PTPN5: variants seen among roughly 807,000 people sequenced by gnomAD.
PTPN5 encodes the protein tyrosine-protein phosphatase non-receptor type 5.
In PTPN5, 29 loss-of-function variants were observed where a neutral mutation model predicts 73.9. The observed-to-expected ratio is 0.39, with a 90% CI of 0.29 to 0.54. The LOEUF (loss-of-function observed/expected upper bound fraction) is 0.54, where lower values mean the gene tolerates loss of function less well. PTPN5 is among the 20% of genes least tolerant of loss of function. The pLI, the probability that PTPN5 is intolerant of heterozygous loss-of-function variation, is 0.65. For synonymous variants in PTPN5, 267 were observed against 304.7 expected (o/e 0.88, Z 1.29); for missense variants, 652 against 751.4 (o/e 0.87, Z 1.55).
intron 1 of PTPN5, among the ~76,000 whole-genome samples, chr11:18,783,744 A>G (rs531192540): frequency 6.6e-6 from 1 of 152,314 alleles, no homozygotes; most frequent in South Asian, 2.1e-4. Context: ...TCCACTAGAC[A>G]TTAAGCTCCT....
chr11:18,740,623 G>A lies in PTPN5; in HGVS notation c.895C>T (p.Leu299=). The A allele has an allele frequency of 1.3e-6, 2 of 1,577,010 alleles. No homozygotes were observed. Among genetic ancestry groups the A allele is most frequent in the Non-Finnish European group, 1.7e-6 (2 of 1,161,436 alleles). The change falls in exon 8 of 15, where the codon CTG becomes TTG. Residue 299 remains leucine, a synonymous_variant. Transcript: ENST00000358540. ...CTCACAAAGAATTCCGCCTGCAGCA[G>A]GAAAGGGTCCAGGGCCTTTTCATGA... ...ELHEKALDPF[L]LQAEFFEIPM...
intron 3 of PTPN5, among the ~76,000 whole-genome samples, chr11:18,748,609 A>G (rs1314267999): frequency 2.6e-5 from 4 of 151,836 alleles, no homozygotes; most frequent in Non-Finnish European, 4.4e-5. Context: ...GGGGAGATGC[A>G]TGGACCTCAG....
At chr11:18,763,056 G>A (rs1450450092) in intron 3 of PTPN5, among the ~76,000 whole-genome samples, 3 of 152,198 alleles carry the variant, frequency 2.0e-5, no homozygotes, top group Non-Finnish European at 4.4e-5. Flanking sequence ...GAAACAGAGA[G>A]GTCCTTGCCT....
rs527278604 is a variant in PTPN5 at position 18,782,435 on chromosome 11, C to T, written c.-114+9090G>A. 1.2e-4 allele frequency among the ~76,000 whole-genome samples: 18 copies of T among 152,208 alleles called. No individual in the cohort carries two copies. In the South Asian group the frequency reaches 3.7e-3, roughly 32 times the overall value. On this transcript the variant is annotated intron_variant, in intron 1 of 14. Transcript: ENST00000358540. The stretch of plus-strand genomic sequence containing the variant: ...TAGAGATGGGATTTCACCATGTTGG[C>T]TAGGCTGGTCTCGAACTCCTGACCT...
At chr11:18,787,195 T>G (rs550428941) in intron 1 of PTPN5, among the ~76,000 whole-genome samples, 1 of 152,260 alleles carries the variant, frequency 6.6e-6, no homozygotes, top group Admixed American at 6.5e-5. Context: ...ATTCAAGTTA[T>G]CTGAGCTTTA....
intron 3 of PTPN5, among the ~76,000 whole-genome samples, chr11:18,751,253 T>C (rs1453296323): frequency 6.6e-6 from 1 of 152,264 alleles, no homozygotes; most frequent in Non-Finnish European, 1.5e-5. Context: ...TTAGAGGATA[T>C]ATGGTGCTGA....
In PTPN5 at chr11:18,783,767, C is replaced by T. The variant is rs1388021903; in HGVS notation, c.-114+7758G>A. 2.0e-5 allele frequency among the ~76,000 whole-genome samples: 3 copies of T among 152,298 alleles called. No individual in the cohort carries two copies. The East Asian group carries it at 5.8e-4, about 29-fold the overall frequency. On this transcript the variant is annotated intron_variant, in intron 1 of 14. Transcript: ENST00000358540. ...ACATTAAGCTCCTTGCGGGCAGGGT[C>T]CTTGTGGTCGTGTTGATTGCTGAGG...
At chr11:18,735,448 G>C (rs1280477158) in intron 9 of PTPN5, among the ~76,000 whole-genome samples, 2 of 152,126 alleles carry the variant, frequency 1.3e-5, no homozygotes, top group South Asian at 4.1e-4. Context: ...CGTGCACAGT[G>C]CAGGGTAGGG....
intron 9 of PTPN5, among the ~76,000 whole-genome samples, chr11:18,736,206 C>G (rs1410734168): frequency 1.3e-5 from 2 of 152,168 alleles, no homozygotes; most frequent in African/African-American, 4.8e-5. Flanking sequence ...GAGGCCGAAG[C>G]AGGCGAGGAC....
chr11:18,728,618 C>G lies in PTPN5; in HGVS notation c.*316G>C, dbSNP rs7946105. ...TTGCAGCAGGACACAAAGTGTAGCA[C>G]GGAAACATTCTGGATCAGGTATTGA... On this transcript the variant is annotated 3_prime_UTR_variant, in exon 15 of 15. Transcript: ENST00000358540. The surrounding 1 kb of genome is among the most constrained non-coding windows in gnomAD (Gnocchi z 4.1). The G allele has an allele frequency of 0.016, 4,707 of 293,330 alleles. 206 individuals carry two copies. Among genetic ancestry groups the G allele is most frequent in the African/African-American group, 0.097 (4,384 of 45,222 alleles). 18.2% of individuals were successfully genotyped at this position (293,330 alleles called of 1,614,324 possible). A position where few individuals can be genotyped will look rare whatever the true frequency, so the allele number is the denominator to read the frequency against.
chr11:18,759,398 T>TG (rs1212729208), intron 3 of PTPN5, among the ~76,000 whole-genome samples: 5 of 152,192 alleles, frequency 3.3e-5, no homozygotes, highest in African/African-American at 9.6e-5. Context: ...GTCATGCTGT[T>TG]GGTCAATAGC....
chr11:18,762,516 A>G (rs1850444609), intron 3 of PTPN5, among the ~76,000 whole-genome samples: 1 of 152,058 alleles, frequency 6.6e-6, no homozygotes, highest in Admixed American at 6.5e-5. Context: ...ATTTCCACAA[A>G]TTCAATGTGA....
intron 8 of PTPN5, among the ~76,000 whole-genome samples, chr11:18,738,204 T>C (rs1849202188): frequency 6.6e-6 from 1 of 152,212 alleles, no homozygotes; most frequent in Non-Finnish European, 1.5e-5. Context: ...GCCTGCCATA[T>C]ATAGACAGTC....
chr11:18,742,486 C>T lies in PTPN5; in HGVS notation c.501G>A (p.Arg167=), dbSNP rs1374960470. ...LVTTLVWHLL[R]TPPEPPTPLP... Reference sequence around the variant, plus strand: ...GTGGGGTGGGTGGCTCTGGGGGTGTCCTCAGGAGGTGCCACACCTGGTTGG... The same window carrying T: ...GTGGGGTGGGTGGCTCTGGGGGTGTTCTCAGGAGGTGCCACACCTGGTTGG... Residue 167 remains arginine, a synonymous_variant, in exon 7 of 15, where the codon AGG becomes AGA. Coordinates refer to ENST00000358540, the MANE Select transcript of PTPN5 (RefSeq NM_006906.2). This position sits in a 1 kb window ranked among gnomAD's most constrained non-coding sequence, Gnocchi z 4.1. 3 of 1,613,660 alleles carry T rather than the reference C, an allele frequency of 1.9e-6. No homozygotes were observed. The highest frequency in any genetic ancestry group is 1.7e-5 in the Admixed American group (1 of 60,030).
chr11:18,792,046 T>C (rs547653750), upstream of PTPN5: 1 of 152,424 alleles, frequency 6.6e-6, no homozygotes, highest in Non-Finnish European at 1.5e-5. Flanking sequence ...ATGCCAAGGT[T>C]GCTTGGACAA....
intron 3 of PTPN5, among the ~76,000 whole-genome samples, chr11:18,753,084 G>A (rs1021738358): frequency 4.6e-5 from 7 of 152,214 alleles, no homozygotes; most frequent in Non-Finnish European, 8.8e-5. Context: ...GTGGAAGGCT[G>A]GGTTCTGGCT....
chr11:18,742,407 A>G lies in PTPN5; in HGVS notation c.580T>C (p.Ser194Pro). ...SVSRQPSFTYSEWMEEKIEDD... is the reference protein window; with the variant it reads ...SVSRQPSFTYPEWMEEKIEDD... ...TCGATCTTCTCCTCCATCCACTCTG[A>G]GTAGGTGAAGGAGGGCTGGCGGCTC... is the stretch of plus-strand genomic sequence containing the variant. The change falls in exon 7 of 15, where the codon TCA becomes CCA. Residue 194 changes from serine (S) to proline (P), a missense_variant. Physicochemically the swap from Ser to Pro is moderately conservative, Grantham distance 74. Transcript: ENST00000358540. This position sits in a 1 kb window ranked among gnomAD's most constrained non-coding sequence, Gnocchi z 4.1. 6.2e-7 allele frequency: 1 copy of G among 1,614,074 alleles called. No homozygotes were observed. The highest frequency in any genetic ancestry group is 8.5e-7 in the Non-Finnish European group (1 of 1,180,014).
Position 18,742,187 on chromosome 11 carries a change from C to T in PTPN5, c.725+75G>A, listed in dbSNP as rs1190177267. 1 of 1,581,552 alleles carries T rather than the reference C, an allele frequency of 6.3e-7. No homozygotes were observed. ...TGCCCTGGGCACCAGGAGTCAGAGT[C>T]AGGCATCCACTCTTCTGATCAGGAG... On this transcript the variant is annotated intron_variant, in intron 7 of 14. Transcript: ENST00000358540. The surrounding 1 kb of genome is among the most constrained non-coding windows in gnomAD (Gnocchi z 4.1).
At chr11:18,752,855 G>T (rs887884709) in intron 3 of PTPN5, among the ~76,000 whole-genome samples, 1 of 152,230 alleles carries the variant, frequency 6.6e-6, no homozygotes, top group Admixed American at 6.5e-5. Flanking sequence ...AAGCACAAAT[G>T]CTTGGGGAGG....
Sources: allele counts gnomAD v4.1 joint callset (sites outside exome capture counted in the v4.1 genomes callset), GRCh38; gene constraint gnomAD v4.1.1; non-coding constraint Gnocchi (gnomAD v3.1); transcripts MANE v1.5; gene names NCBI Gene and HGNC (gene_info 2026-07-23, HGNC 2026-07-21).